The following AFG2A variants were observed in gnomAD, a reference collection of about 807,000 sequenced individuals.
The protein encoded by AFG2A is AAA ATPase AFG2A.
chr4:123,286,994 C>T, the AFG2A span, among the ~76,000 whole-genome samples: 33 of 152,208 alleles, frequency 2.2e-4, 1 homozygote, highest in Middle Eastern at 3.4e-3. Flanking sequence ...TTGCAGGGCT[C>T]GGTATTTGGT....
At chr4:122,993,580 A>G in the AFG2A span, among the ~76,000 whole-genome samples, 1 of 152,086 alleles carries the variant, frequency 6.6e-6, no homozygotes, top group Non-Finnish European at 1.5e-5. Context: ...ACTAAAATGT[A>G]TTATTTTTAA....
chr4:123,046,004 G>A, the AFG2A span, among the ~76,000 whole-genome samples: 3 of 152,000 alleles, frequency 2.0e-5, no homozygotes, highest in African/African-American at 7.2e-5. Flanking sequence ...AGCTGAGGCA[G>A]GAGGATCACT....
At chr4:123,251,895 C>T in the AFG2A span, among the ~76,000 whole-genome samples, 5 of 152,040 alleles carry the variant, frequency 3.3e-5, no homozygotes, top group South Asian at 2.1e-4. Context: ...CTAATTTGTA[C>T]GTAAGTTAAG....
At chr4:123,227,720 A>C in the AFG2A span, among the ~76,000 whole-genome samples, 13 of 152,150 alleles carry the variant, frequency 8.5e-5, no homozygotes, top group African/African-American at 3.1e-4. Flanking sequence ...GTAGTTGTCT[A>C]TTAGGTCCAC....
the AFG2A span, among the ~76,000 whole-genome samples, chr4:122,951,827 G>A: frequency 9.9e-5 from 15 of 152,158 alleles, no homozygotes; most frequent in Non-Finnish European, 1.5e-4. Context: ...GTCATTGGGC[G>A]GTCAGACATT....
the AFG2A span, among the ~76,000 whole-genome samples, chr4:123,138,991 C>T: frequency 6.6e-6 from 1 of 151,942 alleles, no homozygotes; most frequent in African/African-American, 2.4e-5. Flanking sequence ...TTTACATTAT[C>T]CACCTAAAAT....
the AFG2A span, among the ~76,000 whole-genome samples, chr4:123,009,145 A>G: frequency 6.6e-6 from 1 of 152,224 alleles, no homozygotes; most frequent in Admixed American, 6.5e-5. Flanking sequence ...AACCAGGTAC[A>G]CACTTCTAGA....
chr4:123,093,238 A>G, the AFG2A span, among the ~76,000 whole-genome samples: 2 of 152,214 alleles, frequency 1.3e-5, no homozygotes, highest in South Asian at 2.1e-4. Context: ...GGGCTAACTC[A>G]TAAGCAGTGC....
chr4:123,307,801 C>T, the AFG2A span, among the ~76,000 whole-genome samples: 1 of 152,148 alleles, frequency 6.6e-6, no homozygotes, highest in Non-Finnish European at 1.5e-5. Context: ...TGTTTAGATA[C>T]ACAAATACTT....
the AFG2A span, among the ~76,000 whole-genome samples, chr4:122,999,652 T>G: frequency 6.6e-6 from 1 of 152,174 alleles, no homozygotes; most frequent in East Asian, 1.9e-4. Flanking sequence ...GGCTCTGTTC[T>G]GTTCCATTGA....
the AFG2A span, among the ~76,000 whole-genome samples, chr4:123,043,157 A>C: frequency 1.3e-5 from 2 of 152,166 alleles, no homozygotes; most frequent in Non-Finnish European, 2.9e-5. Flanking sequence ...CTAGCTTGAC[A>C]GGTTTTTTCT....
At chr4:123,125,791 G>A in the AFG2A span, among the ~76,000 whole-genome samples, 2 of 152,028 alleles carry the variant, frequency 1.3e-5, no homozygotes, top group South Asian at 4.1e-4. Context: ...CCAGCCTCCG[G>A]TTTTGTTTTA....
At chr4:123,018,715 C>A in the AFG2A span, among the ~76,000 whole-genome samples, 77 of 151,986 alleles carry the variant, frequency 5.1e-4, no homozygotes, top group East Asian at 0.015. Flanking sequence ...CTCACTGCAA[C>A]CTCCGCCTCC....
the AFG2A span, among the ~76,000 whole-genome samples, chr4:123,308,615 C>T: frequency 6.6e-6 from 1 of 152,296 alleles, no homozygotes; most frequent in East Asian, 1.9e-4. Context: ...ATCCTGAAAC[C>T]ACCCGCACTC....
the AFG2A span, among the ~76,000 whole-genome samples, chr4:122,978,527 C>T: frequency 0.012 from 1,764 of 152,298 alleles, 14 homozygotes; most frequent in Middle Eastern, 0.078. Flanking sequence ...GCAGACTCTA[C>T]CCAGCTCTGA....
the AFG2A span, among the ~76,000 whole-genome samples, chr4:123,197,518 C>T: frequency 4.3e-4 from 65 of 152,208 alleles, no homozygotes; most frequent in Middle Eastern, 6.8e-3. Context: ...GCCTGTAATC[C>T]GAGCACTTTG....
the AFG2A span, among the ~76,000 whole-genome samples, chr4:123,280,453 A>G: frequency 6.6e-6 from 1 of 152,222 alleles, no homozygotes; most frequent in African/African-American, 2.4e-5. Context: ...CAAATTTATT[A>G]TCTTATAGTT....
At chr4:123,242,067 C>A in the AFG2A span, among the ~76,000 whole-genome samples, 3 of 152,114 alleles carry the variant, frequency 2.0e-5, no homozygotes, top group African/African-American at 7.2e-5. Flanking sequence ...ATCCAACTTA[C>A]AAGGGATGGG....
chr4:122,985,867 A>G, the AFG2A span, among the ~76,000 whole-genome samples: 20 of 150,896 alleles, frequency 1.3e-4, no homozygotes, highest in African/African-American at 4.9e-4. Context: ...TGACCTTAGA[A>G]TGTCAGTTTG....
Sources: gnomAD v4.1 joint callset for allele counts (sites outside exome capture counted in the v4.1 genomes callset) on GRCh38, gnomAD v4.1.1 for gene constraint, MANE v1.5 for transcripts, NCBI Gene and HGNC (gene_info 2026-07-23, HGNC 2026-07-21) for gene names.